Variants in SNX29 observed in about 807,000 individuals in gnomAD.
SNX29 encodes sorting nexin-29.
SNX29 carries 78 observed loss-of-function variants against 102.1 expected under a neutral mutation model. The observed-to-expected ratio is 0.76, with a 90% CI of 0.64 to 0.92. SNX29 has a LOEUF of 0.92. Among genes scored for constraint, SNX29 ranks in the 40% least tolerant of loss-of-function variants. SNX29 has a pLI of 0.00. For missense variants in SNX29, 1,280 were observed against 1,061.7 expected (o/e 1.21, Z -2.86); for synonymous variants, 580 against 414.5 (o/e 1.40, Z -4.85).
chr16:12,197,521 A>C (rs1053543220), intron 13 of SNX29, among the ~76,000 whole-genome samples: 21 of 152,202 alleles, frequency 1.4e-4, no homozygotes, highest in Non-Finnish European at 2.9e-5. Flanking sequence ...CAGTGAGCCG[A>C]GATCATGCTA....
At chr16:12,535,441 T>C (rs1287508697) in intron 20 of SNX29, among the ~76,000 whole-genome samples, 2 of 152,186 alleles carry the variant, frequency 1.3e-5, no homozygotes, top group East Asian at 3.8e-4. Context: ...CAGCTTTTCA[T>C]TTATTAACAC....
At chr16:12,065,844 C>T (rs938317444) in intron 9 of SNX29, among the ~76,000 whole-genome samples, 9 of 152,126 alleles carry the variant, frequency 5.9e-5, no homozygotes, top group Non-Finnish European at 8.8e-5. Context: ...TGCCATTGGA[C>T]GGACCAGGGT....
chr16:12,485,317 A>G (rs981242824), intron 19 of SNX29, among the ~76,000 whole-genome samples: 42 of 152,298 alleles, frequency 2.8e-4, no homozygotes, highest in African/African-American at 9.1e-4. Context: ...TGATGTTACT[A>G]AAGTCTGCAT....
At chr16:12,131,491 G>C (rs1203559289) in intron 13 of SNX29, among the ~76,000 whole-genome samples, 6 of 152,170 alleles carry the variant, frequency 3.9e-5, no homozygotes, top group South Asian at 4.1e-4. Flanking sequence ...TTTCCATATA[G>C]GCCTCATGTT....
intron 18 of SNX29, among the ~76,000 whole-genome samples, chr16:12,411,049 G>C (rs1305646735): frequency 3.9e-5 from 6 of 152,178 alleles, no homozygotes; most frequent in African/African-American, 1.2e-4. Flanking sequence ...TGAAATGGTT[G>C]GACCGAGTAC....
chr16:12,117,327 T>C lies in SNX29; in HGVS notation c.1403-9306T>C, dbSNP rs376716239. On this transcript the variant is annotated intron_variant, in intron 11 of 20. Coordinates refer to ENST00000566228, the MANE Select transcript of SNX29 (RefSeq NM_032167.5). Reference sequence around the variant, plus strand: ...CAGGCGTGGTCAATACGTGCTTCAATGCGGACGAACCGTGGAAACAGGCGT... The same window carrying C: ...CAGGCGTGGTCAATACGTGCTTCAACGCGGACGAACCGTGGAAACAGGCGT... 8.3e-3 allele frequency among the ~76,000 whole-genome samples: 876 copies of C among 105,138 alleles called. 5 individuals carry two copies. The highest frequency in any genetic ancestry group is 0.032 in the East Asian group (76 of 2,356). 69.0% of individuals were successfully genotyped at this position (105,138 alleles called of 152,430 possible). A position where few individuals can be genotyped will look rare whatever the true frequency, so the allele number is the denominator to read the frequency against.
At position 12,572,231 on chromosome 16, in the gene SNX29, C is replaced by A. The variant is rs770674364; in HGVS notation, c.*3602C>A. 3.8e-4 allele frequency: 389 copies of A among 1,023,034 alleles called. 1 individual carries two copies. The highest frequency in any genetic ancestry group is 4.3e-4 in the Non-Finnish European group (364 of 841,614). The allele number at this position is 1,023,034 out of a possible 1,614,324, so 63.4% of individuals were successfully genotyped here. Reference sequence around the variant, plus strand: ...TTAAAAACCAGAGGCTCCTGAAAGTCGTTTACACCAGGTGGATTGATACCA... The same window carrying A: ...TTAAAAACCAGAGGCTCCTGAAAGTAGTTTACACCAGGTGGATTGATACCA... On this transcript the variant is annotated 3_prime_UTR_variant, in exon 21 of 21. Transcript: ENST00000566228.
chr16:12,157,020 T>A (rs2055581361), intron 13 of SNX29, among the ~76,000 whole-genome samples: 1 of 152,102 alleles, frequency 6.6e-6, no homozygotes, highest in Admixed American at 6.5e-5. Context: ...CTCTGGGAGC[T>A]GATCCTAGGA....
At chr16:12,062,543 C>T (rs537886773) in intron 9 of SNX29, among the ~76,000 whole-genome samples, 166 of 152,148 alleles carry the variant, frequency 1.1e-3, no homozygotes, top group Non-Finnish European at 1.3e-3. Flanking sequence ...CCCAGCTGGC[C>T]TGTGGGGTGC....
At chr16:12,379,590 G>C (rs1433274634) in intron 16 of SNX29, among the ~76,000 whole-genome samples, 3 of 152,204 alleles carry the variant, frequency 2.0e-5, no homozygotes. Context: ...AGTTTCAAAA[G>C]GGTATTGGGG....
At chr16:12,410,212 T>G (rs1475348019) in intron 18 of SNX29, among the ~76,000 whole-genome samples, 1 of 152,152 alleles carries the variant, frequency 6.6e-6, no homozygotes, top group Non-Finnish European at 1.5e-5. Flanking sequence ...GCCAGGGTGG[T>G]CTTGATCTTC....
intron 15 of SNX29, among the ~76,000 whole-genome samples, chr16:12,298,904 C>G (rs1243222058): frequency 6.6e-6 from 1 of 151,712 alleles, no homozygotes; most frequent in Admixed American, 6.6e-5. Context: ...ATGAGGAAGC[C>G]AGAGGAACCA....
chr16:12,482,762 T>C (rs911147663), intron 19 of SNX29, among the ~76,000 whole-genome samples: 1 of 152,252 alleles, frequency 6.6e-6, no homozygotes, highest in African/African-American at 2.4e-5. Context: ...TGAATGTCTA[T>C]ATATTTCCCC....
At chr16:12,290,348 C>T (rs2079752735) in intron 15 of SNX29, among the ~76,000 whole-genome samples, 1 of 152,108 alleles carries the variant, frequency 6.6e-6, no homozygotes, top group African/African-American at 2.4e-5. Flanking sequence ...TTTTTATGAA[C>T]CCTTTCCTGT....
At chr16:12,363,373 G>A (rs1213371208) in intron 16 of SNX29, among the ~76,000 whole-genome samples, 1 of 152,172 alleles carries the variant, frequency 6.6e-6, no homozygotes, top group African/African-American at 2.4e-5. Context: ...TTTCCATGGG[G>A]CCTGGATCCC....
At chr16:12,289,833 C>T (rs921967958) in intron 15 of SNX29, among the ~76,000 whole-genome samples, 18 of 152,002 alleles carry the variant, frequency 1.2e-4, no homozygotes, top group East Asian at 3.9e-4. Flanking sequence ...CAGAAGGAGT[C>T]GTGTGGCCTT....
At chr16:12,280,589 T>C (rs981359578) in intron 15 of SNX29, among the ~76,000 whole-genome samples, 2 of 152,114 alleles carry the variant, frequency 1.3e-5, no homozygotes, top group Non-Finnish European at 2.9e-5. Context: ...CTGAGAGAAG[T>C]GTGAGGTTGA....
intron 11 of SNX29, among the ~76,000 whole-genome samples, chr16:12,119,997 C>T (rs527547484): frequency 6.6e-6 from 1 of 152,272 alleles, no homozygotes; most frequent in East Asian, 1.9e-4. Flanking sequence ...ACATTTTTTC[C>T]TCCTTTATCT....
rs935279005 is a variant in SNX29, at chr16:12,298,702, G to A, written c.1782+20666G>A. Among the ~76,000 whole-genome samples the A allele has an allele frequency of 2.0e-5, 3 of 152,292 alleles. No homozygotes were observed. The South Asian group carries it at 6.2e-4, about 32-fold the overall frequency. ...TAGAATAGGCCAGGCATCCTCTGCTGCCTCCCATGGCTGGGAGGACCCTTG... is the reference window on the plus strand; with the variant it reads ...TAGAATAGGCCAGGCATCCTCTGCTACCTCCCATGGCTGGGAGGACCCTTG... On this transcript the variant is annotated intron_variant, in intron 15 of 20. Transcript: ENST00000566228.
Sources: allele counts gnomAD v4.1 joint callset (sites outside exome capture counted in the v4.1 genomes callset), GRCh38; gene constraint gnomAD v4.1.1; transcripts MANE v1.5; gene names NCBI Gene and HGNC (gene_info 2026-07-23, HGNC 2026-07-21).